Variants in DOCK4 observed in about 807,000 individuals in gnomAD.
DOCK4 encodes dedicator of cytokinesis protein 4.
Under a neutral mutation model 268.1 loss-of-function variants are expected in DOCK4, and 97 were observed. That is an observed-to-expected ratio of 0.36 (90% CI 0.31 to 0.43). The LOEUF is 0.43. Among genes scored for constraint, DOCK4 ranks in the 20% least tolerant of loss-of-function variants. The probability of loss-of-function intolerance (pLI) is 1.00; values close to 1 mark genes in which losing one functional copy is unlikely to be tolerated. For synonymous variants in DOCK4, 954 were observed against 887.2 expected (o/e 1.08, Z -1.34); for missense variants, 2,145 against 2,455.7 (o/e 0.87, Z 2.67).
At chr7:111,908,447 CA>C in intron 13 of DOCK4, among the ~76,000 whole-genome samples, 1 of 120,890 alleles carries the variant, frequency 8.3e-6, no homozygotes, top group Admixed American at 7.9e-5. Context: ...GACTCCGTCT[CA>C]AAAAAATAAA....
At chr7:111,927,192 T>A (rs538362133) in intron 12 of DOCK4, among the ~76,000 whole-genome samples, 1 of 152,190 alleles carries the variant, frequency 6.6e-6, no homozygotes, top group East Asian at 1.9e-4. Flanking sequence ...CCTTCTAATA[T>A]GCAAAAGGTA....
At chr7:111,763,917 C>G (rs1380113533) in intron 39 of DOCK4, among the ~76,000 whole-genome samples, 1 of 152,202 alleles carries the variant, frequency 6.6e-6, no homozygotes, top group African/African-American at 2.4e-5. Context: ...TGGTCTGGAA[C>G]TGTGCTCAAG....
chr7:112,006,066 G>A (rs1800833929), intron 1 of DOCK4, among the ~76,000 whole-genome samples: 1 of 152,144 alleles, frequency 6.6e-6, no homozygotes, highest in Non-Finnish European at 1.5e-5. Context: ...CTTAAAGGTT[G>A]GTGTGATCCA....
intron 23 of DOCK4, among the ~76,000 whole-genome samples, chr7:111,850,165 T>C (rs1433268706): frequency 6.6e-6 from 1 of 152,106 alleles, no homozygotes; most frequent in Non-Finnish European, 1.5e-5. Context: ...AACAATATAT[T>C]AATATAAAGT....
At chr7:111,799,081 G>T (rs1800091315) in intron 30 of DOCK4, among the ~76,000 whole-genome samples, 1 of 152,150 alleles carries the variant, frequency 6.6e-6, no homozygotes, top group Non-Finnish European at 1.5e-5. Context: ...GCTTCAAACT[G>T]CTTCTAATCT....
intron 37 of DOCK4, among the ~76,000 whole-genome samples, chr7:111,767,329 C>A (rs1480981232): frequency 6.6e-6 from 1 of 150,440 alleles, no homozygotes; most frequent in Admixed American, 6.6e-5. Flanking sequence ...CTAGTTCAAG[C>A]GATTCTCCTG....
intron 1 of DOCK4, among the ~76,000 whole-genome samples, chr7:112,040,243 G>A (rs1397401650): frequency 6.6e-6 from 1 of 152,142 alleles, no homozygotes; most frequent in Non-Finnish European, 1.5e-5. Context: ...TAACTCATCA[G>A]AATTCTAAAG....
intron 25 of DOCK4, among the ~76,000 whole-genome samples, chr7:111,836,223 G>C (rs1223248859): frequency 6.0e-5 from 9 of 149,880 alleles, no homozygotes; most frequent in Admixed American, 6.0e-4. Context: ...TTTAATACCA[G>C]CCAGACTGGA....
chr7:111,803,801 G>A lies in DOCK4; in HGVS notation c.3166+5020C>T, dbSNP rs146397544. Among the ~76,000 whole-genome samples the A allele has an allele frequency of 1.9e-3, 285 of 152,218 alleles. 3 individuals are homozygous for A. Among genetic ancestry groups the A allele is most frequent in the Middle Eastern group, 0.014 (4 of 294 alleles). Reference sequence around the variant, plus strand: ...GTCCTTCAACTTAGAAAATGAAAACGCTGAGGAATACCATATTTAAGAAAA... The same window carrying A: ...GTCCTTCAACTTAGAAAATGAAAACACTGAGGAATACCATATTTAAGAAAA... On this transcript the variant is annotated intron_variant, in intron 30 of 52. Transcript: ENST00000428084.
intron 1 of DOCK4, among the ~76,000 whole-genome samples, chr7:112,132,285 T>C (rs1350564811): frequency 6.6e-6 from 1 of 152,108 alleles, no homozygotes; most frequent in Non-Finnish European, 1.5e-5. Context: ...AAGGCACAGT[T>C]CTGCTTGAAT....
chr7:112,182,431 G>T (rs916904735), intron 1 of DOCK4, among the ~76,000 whole-genome samples: 1 of 152,148 alleles, frequency 6.6e-6, no homozygotes, highest in South Asian at 2.1e-4. Flanking sequence ...CACACCAACG[G>T]AATAGGAAAG....
At chr7:112,184,455 G>A (rs1461057965) in intron 1 of DOCK4, among the ~76,000 whole-genome samples, 3 of 152,170 alleles carry the variant, frequency 2.0e-5, no homozygotes, top group Non-Finnish European at 4.4e-5. Flanking sequence ...TTACAGTTTA[G>A]TCCTTTGGCT....
At chr7:112,197,296 A>C (rs1249043352) in intron 1 of DOCK4, among the ~76,000 whole-genome samples, 1 of 84,042 alleles carries the variant, frequency 1.2e-5, no homozygotes, top group Non-Finnish European at 2.2e-5. Flanking sequence ...TATATTTACC[A>C]AAAAAAAAAA....
chr7:111,813,093 T>C (rs1343111433), intron 27 of DOCK4, among the ~76,000 whole-genome samples: 1 of 152,202 alleles, frequency 6.6e-6, no homozygotes, highest in East Asian at 1.9e-4. Flanking sequence ...AAAGCAAGAT[T>C]AGCCACCCCT....
chr7:111,956,420 T>A lies in DOCK4; in HGVS notation c.702-10622A>T, dbSNP rs77980366. On this transcript the variant is annotated intron_variant, in intron 8 of 52. Coordinates refer to ENST00000428084, the MANE Select transcript of DOCK4 (RefSeq NM_001363540.2). ...ATGCATTTACTATCTTAGAGAGATT[T>A]TCTTTTTTTCATGAAATTATGTCTG... is the stretch of plus-strand genomic sequence containing the variant. Among the ~76,000 whole-genome samples, 34 of 152,278 alleles carry A rather than the reference T, an allele frequency of 2.2e-4. No homozygotes were observed. The East Asian group carries it at 6.2e-3, about 28-fold the overall frequency.
At chr7:111,953,855 C>T (rs753292823) in intron 8 of DOCK4, 15 of 152,178 alleles carry the variant, frequency 9.9e-5, no homozygotes, top group Admixed American at 3.3e-4. Flanking sequence ...AGAGGTATCC[C>T]TACCAACACT....
intron 16 of DOCK4, among the ~76,000 whole-genome samples, chr7:111,892,949 C>G (rs990636415): frequency 1.3e-5 from 2 of 152,116 alleles, no homozygotes; most frequent in African/African-American, 4.8e-5. Flanking sequence ...TTCTGTGGAG[C>G]AAATGCTTCC....
intron 8 of DOCK4, among the ~76,000 whole-genome samples, chr7:111,963,500 G>C (rs1269525727): frequency 6.7e-5 from 6 of 89,204 alleles, no homozygotes; most frequent in Non-Finnish European, 8.0e-5. Context: ...TTTTCAGACC[G>C]GCTTAAGAAA....
intron 31 of DOCK4, among the ~76,000 whole-genome samples, chr7:111,789,544 G>A (rs1799391918): frequency 6.6e-6 from 1 of 152,176 alleles, no homozygotes; most frequent in African/African-American, 2.4e-5. Context: ...TTTCAATCAA[G>A]AGATAAAGAC....
Sources: allele counts gnomAD v4.1 joint callset (sites outside exome capture counted in the v4.1 genomes callset), GRCh38; gene constraint gnomAD v4.1.1; transcripts MANE v1.5; gene names NCBI Gene and HGNC (gene_info 2026-07-23, HGNC 2026-07-21).